EDARADD: variants seen among roughly 807,000 people sequenced by gnomAD.
The protein encoded by EDARADD is EDAR associated via death domain, also known as ectodysplasin-A receptor-associated adapter protein.
EDARADD carries 20 observed loss-of-function variants against 25.6 expected under a neutral mutation model. The ratio of observed to expected loss-of-function variants is 0.78; its 90% CI spans 0.55 to 1.14. EDARADD has a LOEUF of 1.14. EDARADD is among the 50% of genes most tolerant of loss of function. EDARADD has a pLI of 0.00. For synonymous variants in EDARADD, 86 were observed against 94.4 expected (o/e 0.91, Z 0.52); for missense variants, 225 against 270.1 (o/e 0.83, Z 1.17).
chr1:236,469,652 C>T (rs923808989), intron 5 of EDARADD, among the ~76,000 whole-genome samples: 14 of 152,130 alleles, frequency 9.2e-5, no homozygotes, highest in African/African-American at 3.4e-4. Flanking sequence ...GCCCAGGTAA[C>T]CAAGCTGAAA....
chr1:236,430,960 A>G lies in EDARADD; in HGVS notation c.219+3510A>G, dbSNP rs1240068082. Among the ~76,000 whole-genome samples, 10 of 152,164 alleles carry G rather than the reference A, an allele frequency of 6.6e-5. 1 individual carries two copies. The highest frequency in any genetic ancestry group is 2.6e-4 in the Admixed American group (4 of 15,286). ...GTGAAACCCCGTCTCTACTAAAACT[A>G]CAATAATTAGCAGGGTGCAGTGGCA... On this transcript the variant is annotated intron_variant, in intron 4 of 5. Coordinates refer to ENST00000334232, the MANE Select transcript of EDARADD (RefSeq NM_145861.4).
chr1:236,402,054 C>T (rs887127973), intron 1 of EDARADD, among the ~76,000 whole-genome samples: 4 of 152,068 alleles, frequency 2.6e-5, no homozygotes, highest in Admixed American at 6.5e-5. Context: ...CTCCACCTCC[C>T]GGGTTCAAGC....
At chr1:236,399,371 G>A (rs981280016) in intron 1 of EDARADD, among the ~76,000 whole-genome samples, 4 of 152,072 alleles carry the variant, frequency 2.6e-5, no homozygotes, top group Non-Finnish European at 4.4e-5. Flanking sequence ...TTTTTTAGTA[G>A]AGACGGGGTT....
At chr1:236,396,745 G>A (rs1275465560) in intron 1 of EDARADD, among the ~76,000 whole-genome samples, 1 of 151,416 alleles carries the variant, frequency 6.6e-6, no homozygotes, top group Non-Finnish European at 1.5e-5. Context: ...AATTGGATGC[G>A]GAAAATAAAT....
At chr1:236,421,237 G>C (rs1657775751) in intron 3 of EDARADD, among the ~76,000 whole-genome samples, 1 of 147,042 alleles carries the variant, frequency 6.8e-6, no homozygotes, top group African/African-American at 2.5e-5. Flanking sequence ...CTTAGGAGCA[G>C]AGCAAACAAC....
In EDARADD at chr1:236,394,512, A is replaced by G. The variant is rs1434244516; in HGVS notation, c.61+7A>G. On this transcript the variant is annotated splice_region_variant and intron_variant, in intron 1 of 5. Coordinates refer to ENST00000334232, the MANE Select transcript of EDARADD (RefSeq NM_145861.4). ...GCTCCTGGTCACCAAGAGGGTATGTAGGCATTTGCTGTCTTCCTGGATTTC... is the reference window on the plus strand; with the variant it reads ...GCTCCTGGTCACCAAGAGGGTATGTGGGCATTTGCTGTCTTCCTGGATTTC... The G allele has an allele frequency of 8.7e-6, 14 of 1,611,848 alleles. No homozygotes were observed. The highest frequency in any genetic ancestry group is 1.2e-5 in the Non-Finnish European group (14 of 1,179,412).
upstream of EDARADD, among the ~76,000 whole-genome samples, chr1:236,392,318 C>G (rs1416758553): frequency 6.6e-6 from 1 of 151,888 alleles, no homozygotes; most frequent in Non-Finnish European, 1.5e-5. Context: ...TATGACAGGC[C>G]TTAGTTTAGG....
chr1:236,414,226 A>T, intron 2 of EDARADD, 34 bp from the exon 3 acceptor site: 1 of 1,580,934 alleles, frequency 6.3e-7, no homozygotes, highest in Non-Finnish European at 8.7e-7. Flanking sequence ...CATGGCATTT[A>T]AAAATAATTC....
intron 5 of EDARADD, among the ~76,000 whole-genome samples, chr1:236,475,165 C>A (rs1021006259): frequency 1.3e-5 from 2 of 149,904 alleles, no homozygotes; most frequent in African/African-American, 2.4e-5. Flanking sequence ...CAAAAAAAAA[C>A]CCAACAAATA....
intron 4 of EDARADD, among the ~76,000 whole-genome samples, chr1:236,438,116 C>CTCTT (rs1553267984): frequency 2.6e-4 from 13 of 50,350 alleles, no homozygotes; most frequent in African/African-American, 6.7e-4. Context: ...ATAGTTTTCC[C>CTCTT]TCTTTGTCTG....
chr1:236,366,447 G>A (rs1331349522), intron 3 of EDARADD, among the ~76,000 whole-genome samples: 1 of 152,130 alleles, frequency 6.6e-6, no homozygotes, highest in African/African-American at 2.4e-5. Flanking sequence ...TGTACACTGG[G>A]CACCTCTAAT....
At chr1:236,470,731 C>T (rs999077817) in intron 5 of EDARADD, among the ~76,000 whole-genome samples, 10 of 152,142 alleles carry the variant, frequency 6.6e-5, no homozygotes, top group Admixed American at 5.2e-4. Context: ...TCAGCCTCCT[C>T]CTGAGTAGCT....
chr1:236,420,773 GCT>G (rs1288269366), intron 3 of EDARADD, among the ~76,000 whole-genome samples: 1 of 151,752 alleles, frequency 6.6e-6, no homozygotes, highest in Non-Finnish European at 1.5e-5. Context: ...ATGGAGTCTC[GCT>G]CTGTCACCTA....
At chr1:236,430,801 C>G (rs1658073521) in intron 4 of EDARADD, among the ~76,000 whole-genome samples, 1 of 152,190 alleles carries the variant, frequency 6.6e-6, no homozygotes. Flanking sequence ...AACACACACT[C>G]CATTCTATAG....
chr1:236,483,558 C>A lies in EDARADD; in HGVS notation c.*909C>A. Reference sequence around the variant, plus strand: ...TGTTGAGAAGGGGGTTCCCCTGTACCACCACATCGCCGACTTGTCTGGCAA... The same window carrying A: ...TGTTGAGAAGGGGGTTCCCCTGTACAACCACATCGCCGACTTGTCTGGCAA... On this transcript the variant is annotated 3_prime_UTR_variant, in exon 6 of 6. Coordinates refer to ENST00000334232, the MANE Select transcript of EDARADD (RefSeq NM_145861.4). The A allele has an allele frequency of 8.0e-7, 1 of 1,247,406 alleles. No individual in the cohort carries two copies. Among genetic ancestry groups the A allele is most frequent in the Non-Finnish European group, 1.2e-6 (1 of 848,188 alleles). The allele number at this position is 1,247,406 out of a possible 1,614,324, so 77.3% of individuals were successfully genotyped here. A position where few individuals can be genotyped will look rare whatever the true frequency, so the allele number is the denominator to read the frequency against.
At chr1:236,411,630 C>A (rs1477058597) in intron 2 of EDARADD, among the ~76,000 whole-genome samples, 2 of 151,858 alleles carry the variant, frequency 1.3e-5, no homozygotes, top group African/African-American at 4.8e-5. Flanking sequence ...CTCACTGCAA[C>A]CTCTGCCTCC....
intron 1 of EDARADD, among the ~76,000 whole-genome samples, chr1:236,407,493 C>G (rs764521471): frequency 1.3e-5 from 2 of 149,196 alleles, no homozygotes; most frequent in Non-Finnish European, 2.9e-5. Context: ...CAGACACATT[C>G]TCAGCTGGGA....
chr1:236,428,567 C>G (rs78466470), intron 4 of EDARADD, among the ~76,000 whole-genome samples: 65,396 of 147,692 alleles, frequency 0.44, 16,896 homozygotes, highest in Non-Finnish European at 0.58. Context: ...ACACTCCTCA[C>G]TTCCCAGACT....
chr1:236,362,360 C>T (rs982378705), intron 3 of EDARADD, among the ~76,000 whole-genome samples: 3 of 152,162 alleles, frequency 2.0e-5, no homozygotes, highest in Non-Finnish European at 4.4e-5. Context: ...TGGTGAATTG[C>T]CTGCCTAGAT....
Sources: allele counts gnomAD v4.1 joint callset (sites outside exome capture counted in the v4.1 genomes callset), GRCh38; gene constraint gnomAD v4.1.1; transcripts MANE v1.5; gene names NCBI Gene and HGNC (gene_info 2026-07-23, HGNC 2026-07-21).